Variants in ZNF235 observed in about 807,000 individuals in gnomAD.
ZNF235 encodes the protein zinc finger protein 235.
A neutral mutation model predicts 29.4 loss-of-function variants in ZNF235; 25 were observed. The ratio of observed to expected loss-of-function variants is 0.85; its 90% CI spans 0.62 to 1.19. ZNF235 has a LOEUF of 1.19. Among genes scored for constraint, ZNF235 ranks in the 50% most tolerant of loss-of-function variants. The pLI is 0.00. For synonymous variants in ZNF235, 300 were observed against 295.3 expected (o/e 1.02, Z -0.16); for missense variants, 788 against 885.0 (o/e 0.89, Z 1.39).
chr19:44,294,655 G>A (rs1975629683), intron 4 of ZNF235, among the ~76,000 whole-genome samples: 1 of 152,002 alleles, frequency 6.6e-6, no homozygotes, highest in Non-Finnish European at 1.5e-5. Flanking sequence ...GAATGTAGAT[G>A]CAAAAATCCT....
Position 44,287,889 on chromosome 19 carries a change from G to T in ZNF235, c.1546C>A (p.Arg516=). 2 of 1,610,554 alleles carry T rather than the reference G, an allele frequency of 1.2e-6. No individual in the cohort carries two copies. The highest frequency in any genetic ancestry group is 1.7e-6 in the Non-Finnish European group (2 of 1,179,002). ...QRVHTGEKPF[R]CNVCGKGFSQ... ...AAGCCTTTCCCACACACGTTGCATC[G>T]AAATGGTTTCTCTCCTGTATGGACC... Residue 516 remains arginine, a synonymous_variant, in exon 5 of 5, where the codon CGA becomes AGA. Transcript: ENST00000291182.
intron 4 of ZNF235, chr19:44,290,398 A>C (rs1301560960): frequency 6.6e-6 from 1 of 152,346 alleles, no homozygotes; most frequent in Non-Finnish European, 1.5e-5. Context: ...CACCAGCTCC[A>C]CAGAGGCTGG....
Position 44,288,944 on chromosome 19 carries a change from T to A in ZNF235, c.491A>T (p.Asp164Val). The change falls in exon 5 of 5, where the codon GAT becomes GTT. Residue 164 changes from aspartate (D) to valine (V), a missense_variant. Asp to Val is a radical substitution (Grantham distance 152). Transcript: ENST00000291182. ...TTGATTTTCAATGATACTGGAATGA[T>A]CCCCTATGTGATTCACTAGACAGTT... is the stretch of plus-strand genomic sequence containing the variant. Reference protein sequence around the residue: ...DDNCLVNHIGDHSSIIENQEF... With the variant: ...DDNCLVNHIGVHSSIIENQEF... 4 of 1,614,044 alleles carry A rather than the reference T, an allele frequency of 2.5e-6. No homozygotes were observed. Among genetic ancestry groups the A allele is most frequent in the Non-Finnish European group, 3.4e-6 (4 of 1,179,954 alleles).
At chr19:44,301,294 T>C (rs1975733270) in intron 2 of ZNF235, among the ~76,000 whole-genome samples, 1 of 152,182 alleles carries the variant, frequency 6.6e-6, no homozygotes, top group Non-Finnish European at 1.5e-5. Context: ...TGCATTTGTT[T>C]TGGCTGGAGT....
chr19:44,286,818 T>TA lies in ZNF235; in HGVS notation c.*399dup, dbSNP rs1568641953. On this transcript the variant is annotated 3_prime_UTR_variant, in exon 5 of 5. Transcript: ENST00000291182. ...CAAGCACAATTCTACATGGTAGAGATAGAGTGGTGAAAAACACCTCCTTAC... is the reference window on the plus strand; with the variant it reads ...CAAGCACAATTCTACATGGTAGAGATAAGAGTGGTGAAAAACACCTCCTTAC... The TA allele has an allele frequency of 6.0e-6, 1 of 165,982 alleles. No homozygotes were observed. The highest frequency in any genetic ancestry group is 5.8e-5 in the Admixed American group (1 of 17,248). 10.3% of individuals were successfully genotyped at this position (165,982 alleles called of 1,614,324 possible). A position where few individuals can be genotyped will look rare whatever the true frequency, so the allele number is the denominator to read the frequency against.
chr19:44,299,837 C>T (rs1975709709), intron 2 of ZNF235, 105 bp from the exon 3 acceptor site: 2 of 1,569,894 alleles, frequency 1.3e-6, no homozygotes, highest in Admixed American at 1.9e-5. Context: ...ACAATCACAC[C>T]AAAAATGCTA....
At position 44,303,736 on chromosome 19, in the gene ZNF235, G is replaced by A. The variant is rs148581294; in HGVS notation, c.-48-284C>T. Among the ~76,000 whole-genome samples, 163 of 152,286 alleles carry A rather than the reference G, an allele frequency of 1.1e-3. 1 individual carries two copies. In the East Asian group the frequency reaches 0.029, roughly 27 times the overall value. On this transcript the variant is annotated intron_variant, in intron 1 of 4. Coordinates refer to ENST00000291182, the MANE Select transcript of ZNF235 (RefSeq NM_004234.4). ...GGAAATGAGACACAGACAGGCAGGG[G>A]AATGTAACAGAGCCAAAATGCCTGG...
rs760560097 is a variant in ZNF235 at position 44,287,718 on chromosome 19, A to G, written c.1717T>C (p.Cys573Arg). 1 of 1,614,024 alleles carries G rather than the reference A, an allele frequency of 6.2e-7. No individual in the cohort carries two copies. The highest frequency in any genetic ancestry group is 1.1e-5 in the South Asian group (1 of 91,084). The change falls in exon 5 of 5, where the codon TGT becomes CGT. Residue 573 changes from cysteine to arginine, a missense_variant. Transcript: ENST00000291182. The part of the protein sequence containing the change: ...RVHTGEKPYK[C>R]EECGKGFSQA... Reference sequence around the variant, plus strand: ...CTGAAACCCTTACCACACTCTTCACATTTGTAGGGTTTCTCTCCGGTGTGG... The same window carrying G: ...CTGAAACCCTTACCACACTCTTCACGTTTGTAGGGTTTCTCTCCGGTGTGG...
In ZNF235 at chr19:44,298,802, A is replaced by G. The variant is rs751781019; in HGVS notation, c.238+6T>C. 1.2e-5 allele frequency: 20 copies of G among 1,604,126 alleles called. No individual in the cohort carries two copies. The highest frequency in any genetic ancestry group is 2.2e-5 in the South Asian group (2 of 90,736). On this transcript the variant is annotated splice_donor_region_variant and intron_variant, in intron 4 of 4. Transcript: ENST00000291182. Reference sequence around the variant, plus strand: ...TTAACTACGATTCCGGCTGCACAGTACTCACCTGAATGCTTACCTCTTTGG... The same window carrying G: ...TTAACTACGATTCCGGCTGCACAGTGCTCACCTGAATGCTTACCTCTTTGG...
Position 44,288,132 on chromosome 19 carries a change from C to A in ZNF235, c.1303G>T (p.Asp435Tyr), listed in dbSNP as rs1975521698. 2 of 1,613,946 alleles carry A rather than the reference C, an allele frequency of 1.2e-6. No individual in the cohort carries two copies. The highest frequency in any genetic ancestry group is 1.7e-6 in the Non-Finnish European group (2 of 1,180,030). ...CTACAACTAAAGCGTTTACCACAAT[C>A]CCCACATTTATATGGTTTCTCTCCA... is the stretch of plus-strand genomic sequence containing the variant. ...HTGEKPYKCG[D>Y]CGKRFSCSSN... is the part of the protein sequence containing the mutation. The change falls in exon 5 of 5, where the codon GAT becomes TAT. Residue 435 changes from aspartate (D) to tyrosine (Y), a missense_variant. Physicochemically the swap from Asp to Tyr is radical, Grantham distance 160 (BLOSUM62 -3). Transcript: ENST00000291182.
In ZNF235 at chr19:44,288,924, T is replaced by C; in HGVS notation, c.511A>G (p.Asn171Asp). ...ACTTTCCCAGTTGGAAATTCTTGAT[T>C]TTCAATGATACTGGAATGATCCCCT... ...HIGDHSSIIE[N>D]QEFPTGKVPN... is the part of the protein sequence containing the mutation. Residue 171 changes from asparagine to aspartate, a missense_variant, in exon 5 of 5, where the codon AAT becomes GAT. By Grantham distance (23) the Asn-to-Asp change is conservative. Transcript: ENST00000291182. 6.2e-7 allele frequency: 1 copy of C among 1,614,068 alleles called. No homozygotes were observed. Among genetic ancestry groups the C allele is most frequent in the Non-Finnish European group, 8.5e-7 (1 of 1,179,990 alleles).
chr19:44,298,856 C>A lies in ZNF235; in HGVS notation c.190G>T (p.Glu64Ter). 6.2e-7 allele frequency: 1 copy of A among 1,614,080 alleles called. No individual in the cohort carries two copies. The highest frequency in any genetic ancestry group is 8.5e-7 in the Non-Finnish European group (1 of 1,179,956). ...TGAAGCTCCTTCATCCAAAGCTTTTCTTCCCTCTCCAACTGGGATATCATA... is the reference window on the plus strand; with the variant it reads ...TGAAGCTCCTTCATCCAAAGCTTTTATTCCCTCTCCAACTGGGATATCATA... ...PDMISQLERE[E>*]KLWMKELQTQ... The change falls in exon 4 of 5, where the codon GAA (glutamate) becomes TAA (stop). Residue 64 changes from glutamate (E) to a stop codon, truncating the protein, a stop_gained. Coordinates refer to ENST00000291182, the MANE Select transcript of ZNF235 (RefSeq NM_004234.4). LOFTEE classifies it low-confidence loss of function (END_TRUNC).
chr19:44,304,849 CA>C (rs1166430658), intron 1 of ZNF235, 121 bp downstream of exon 1: 11 of 985,384 alleles, frequency 1.1e-5, no homozygotes, highest in Non-Finnish European at 1.2e-5. Context: ...CGCAGCCTCC[CA>C]ACCCCGCCCT....
intron 4 of ZNF235, among the ~76,000 whole-genome samples, chr19:44,293,446 C>T (rs570980457): frequency 7.6e-4 from 116 of 151,850 alleles, no homozygotes; most frequent in Non-Finnish European, 1.5e-3. Context: ...TATTATTAGA[C>T]CTAAAAAAAT....
chr19:44,288,192 T>C lies in ZNF235; in HGVS notation c.1243A>G (p.Arg415Gly). Reference protein sequence around the residue: ...CEVCGKGFTQRSHLQAHERIH... With the variant: ...CEVCGKGFTQGSHLQAHERIH... ...CTTTCATGGGCCTGAAGATGTGATC[T>C]CTGAGTGAAGCCCTTCCCACACACC... The change falls in exon 5 of 5, where the codon AGA (arginine) becomes GGA (glycine). Residue 415 changes from arginine (R) to glycine (G), a missense_variant. Coordinates refer to ENST00000291182, the MANE Select transcript of ZNF235 (RefSeq NM_004234.4). 6.2e-7 allele frequency: 1 copy of C among 1,614,162 alleles called. No individual in the cohort carries two copies. Among genetic ancestry groups the C allele is most frequent in the Non-Finnish European group, 8.5e-7 (1 of 1,180,026 alleles).
At chr19:44,291,989 A>G (rs922545781) in intron 4 of ZNF235, among the ~76,000 whole-genome samples, 2 of 152,162 alleles carry the variant, frequency 1.3e-5, no homozygotes, top group Admixed American at 1.3e-4. Flanking sequence ...GAACATATTT[A>G]TAAAATTCTT....
chr19:44,302,891 CATATTTGTATATAAATAT>C (rs1187025863), intron 2 of ZNF235, among the ~76,000 whole-genome samples: 85 of 79,730 alleles, frequency 1.1e-3, no homozygotes, highest in African/African-American at 7.3e-3. Context: ...TTTATATATA[CATATTTGTATATAAATAT>C]ATACGTATAT....
Position 44,287,020 on chromosome 19 carries a change from C to T in ZNF235, c.*198G>A, listed in dbSNP as rs562550337. Reference sequence around the variant, plus strand: ...TCATATTTACAGAACAAAGTTTTCTCGCATCTGTGAAATATGACGTTTGTA... The same window carrying T: ...TCATATTTACAGAACAAAGTTTTCTTGCATCTGTGAAATATGACGTTTGTA... On this transcript the variant is annotated 3_prime_UTR_variant, in exon 5 of 5. Coordinates refer to ENST00000291182, the MANE Select transcript of ZNF235 (RefSeq NM_004234.4). The T allele has an allele frequency of 1.3e-4, 73 of 551,708 alleles. 1 individual carries two copies. The highest frequency in any genetic ancestry group is 4.9e-4 in the Admixed American group (14 of 28,604). 34.2% of individuals were successfully genotyped at this position (551,708 alleles called of 1,614,324 possible). A position where few individuals can be genotyped will look rare whatever the true frequency, so the allele number is the denominator to read the frequency against.
At chr19:44,301,561 C>T (rs1168242544) in intron 2 of ZNF235, among the ~76,000 whole-genome samples, 1 of 152,008 alleles carries the variant, frequency 6.6e-6, no homozygotes, top group Non-Finnish European at 1.5e-5. Context: ...ACTTCTGCCT[C>T]CCAGGTTCAA....
Sources: allele counts gnomAD v4.1 joint callset (sites outside exome capture counted in the v4.1 genomes callset), GRCh38; gene constraint gnomAD v4.1.1; transcripts MANE v1.5; gene names NCBI Gene and HGNC (gene_info 2026-07-23, HGNC 2026-07-21).